Variants in CYP4X1 observed in about 807,000 individuals in gnomAD.
CYP4X1 encodes the protein cytochrome P450 family 4 subfamily X member 1, also known as cytochrome P450 4X1.
Under a neutral mutation model 57.9 loss-of-function variants are expected in CYP4X1, and 44 were observed. The ratio of observed to expected loss-of-function variants is 0.76; its 90% CI spans 0.60 to 0.98. The LOEUF (loss-of-function observed/expected upper bound fraction) is 0.98, where lower values mean the gene tolerates loss of function less well. CYP4X1 is among the 50% of genes least tolerant of loss of function. The pLI, the probability that CYP4X1 is intolerant of heterozygous loss-of-function variation, is 0.00. For synonymous variants in CYP4X1, 227 were observed against 228.6 expected (o/e 0.99, Z 0.06); for missense variants, 532 against 623.9 (o/e 0.85, Z 1.57).
chr1:47,026,389 A>G (rs1478691709), intron 1 of CYP4X1, among the ~76,000 whole-genome samples: 1 of 152,322 alleles, frequency 6.6e-6, no homozygotes, highest in East Asian at 1.9e-4. Flanking sequence ...TAAAAATTAT[A>G]AATAAATAAA....
the CYP4X1 span, among the ~76,000 whole-genome samples, chr1:47,008,617 A>T: frequency 6.6e-6 from 1 of 152,188 alleles, no homozygotes; most frequent in Admixed American, 6.5e-5. Flanking sequence ...CAATTAAAAG[A>T]CACAGACTGG....
Position 47,031,449 on chromosome 1 carries a change from G to T in CYP4X1, c.333G>T (p.Gln111His). Residue 111 changes from glutamine to histidine, a missense_variant, in exon 3 of 12, where the codon CAG becomes CAT. Coordinates refer to ENST00000371901, the MANE Select transcript of CYP4X1 (RefSeq NM_178033.2). ...TLLSRTDPKS[Q>H]YLQKFSPPLL... is the part of the protein sequence containing the mutation. ...TTGACTCTGCAGATCCCAAGTCCCAGTACCTGCAGAAATTCTCACCTCCAC... is the reference window on the plus strand; with the variant it reads ...TTGACTCTGCAGATCCCAAGTCCCATTACCTGCAGAAATTCTCACCTCCAC... 1 of 1,614,044 alleles carries T rather than the reference G, an allele frequency of 6.2e-7. No homozygotes were observed. The highest frequency in any genetic ancestry group is 8.5e-7 in the Non-Finnish European group (1 of 1,179,994).
chr1:47,031,973 G>A (rs1466453011), intron 3 of CYP4X1, among the ~76,000 whole-genome samples: 1 of 152,086 alleles, frequency 6.6e-6, no homozygotes, highest in Non-Finnish European at 1.5e-5. Flanking sequence ...AACCTAGGAG[G>A]TGGAGGTTGC....
chr1:47,009,685 G>C, the CYP4X1 span, among the ~76,000 whole-genome samples: 2 of 152,222 alleles, frequency 1.3e-5, no homozygotes, highest in East Asian at 1.9e-4. Flanking sequence ...AAGAAGAAAA[G>C]AGAGAAGAAT....
chr1:47,010,323 T>A, the CYP4X1 span, among the ~76,000 whole-genome samples: 1 of 152,090 alleles, frequency 6.6e-6, no homozygotes, highest in Non-Finnish European at 1.5e-5. Flanking sequence ...CATAATTATC[T>A]CAATAAATGC....
the CYP4X1 span, chr1:46,961,728 T>C: frequency 1.5e-6 from 2 of 1,309,022 alleles, no homozygotes; most frequent in Non-Finnish European, 2.0e-6. Flanking sequence ...CAAGCCCTAA[T>C]ATGTATGACT....
chr1:47,032,739 G>A (rs1212911783), intron 3 of CYP4X1, among the ~76,000 whole-genome samples: 1 of 152,094 alleles, frequency 6.6e-6, no homozygotes, highest in Non-Finnish European at 1.5e-5. Flanking sequence ...GTGAATTTAT[G>A]TTCATCATAT....
chr1:47,035,867 A>C lies in CYP4X1; in HGVS notation c.554A>C (p.Asn185Thr). 1.2e-6 allele frequency: 2 copies of C among 1,613,660 alleles called. No individual in the cohort carries two copies. The highest frequency in any genetic ancestry group is 1.7e-6 in the Non-Finnish European group (2 of 1,179,770). The change falls in exon 5 of 12, where the codon AAC becomes ACC. Residue 185 changes from asparagine to threonine, a missense_variant. By Grantham distance (65) the Asn-to-Thr change is moderately conservative. Transcript: ENST00000371901. ...DTSVEVYEHI[N>T]SMSLDIIMKC... ...AGCGTGGAGGTCTATGAGCACATCAACTCGATGTCTCTGGATATAATCATG... is the reference window on the plus strand; with the variant it reads ...AGCGTGGAGGTCTATGAGCACATCACCTCGATGTCTCTGGATATAATCATG...
chr1:47,034,728 T>C (rs2148509014), intron 4 of CYP4X1, among the ~76,000 whole-genome samples: 1 of 152,088 alleles, frequency 6.6e-6, no homozygotes, highest in African/African-American at 2.4e-5. Context: ...CTAGTGCTGT[T>C]CAGGTGCAGC....
chr1:47,052,213 A>G (rs1236458404), downstream of CYP4X1, among the ~76,000 whole-genome samples: 1 of 152,080 alleles, frequency 6.6e-6, no homozygotes, highest in East Asian at 1.9e-4. Flanking sequence ...AAATTTCCTA[A>G]TAATTATTAT....
At chr1:46,998,813 T>C in the CYP4X1 span, among the ~76,000 whole-genome samples, 24 of 152,296 alleles carry the variant, frequency 1.6e-4, no homozygotes, top group Admixed American at 5.2e-4. Context: ...CCCAGTATCA[T>C]TTATTGAATT....
chr1:47,034,354 A>T (rs1644157198), intron 4 of CYP4X1, among the ~76,000 whole-genome samples: 1 of 152,194 alleles, frequency 6.6e-6, no homozygotes. Flanking sequence ...CATTCCTGTG[A>T]GTGGTCTCTG....
At chr1:47,003,242 A>G in the CYP4X1 span, 1 of 152,162 alleles carries the variant, frequency 6.6e-6, no homozygotes, top group Non-Finnish European at 1.5e-5. Flanking sequence ...GATCACAGGG[A>G]GATCATTCTG....
rs1474675933 is a variant in CYP4X1, at chr1:47,050,132, G to T, written c.1488G>T (p.Lys496Asn). The change falls in exon 12 of 12, where the codon AAG becomes AAT. Residue 496 changes from lysine to asparagine, a missense_variant. Transcript: ENST00000371901. The stretch of plus-strand genomic sequence containing the variant: ...CCAACCATTTTATCCTCAAGCCCAA[G>T]AATGGGATGTATTTGCACCTGAAGA... ...TFPNHFILKP[K>N]NGMYLHLKKL... 10 of 1,613,902 alleles carry T rather than the reference G, an allele frequency of 6.2e-6. No homozygotes were observed. The highest frequency in any genetic ancestry group is 8.5e-6 in the Non-Finnish European group (10 of 1,180,008).
At chr1:47,039,614 C>G (rs1644223456) in intron 8 of CYP4X1, 82 bp downstream of exon 8, 1 of 1,128,250 alleles carries the variant, frequency 8.9e-7, no homozygotes. Context: ...CCTTAGTGAC[C>G]CTAGTGCCTC....
At chr1:47,001,838 T>C in the CYP4X1 span, among the ~76,000 whole-genome samples, 2 of 152,198 alleles carry the variant, frequency 1.3e-5, no homozygotes, top group Non-Finnish European at 2.9e-5. Context: ...AAACCCTCCA[T>C]GGCCTGTTGC....
chr1:46,963,544 C>A, the CYP4X1 span, among the ~76,000 whole-genome samples: 1 of 152,136 alleles, frequency 6.6e-6, no homozygotes, highest in South Asian at 2.1e-4. Flanking sequence ...GTGGAAAATT[C>A]TTTTCTTTAA....
the CYP4X1 span, among the ~76,000 whole-genome samples, chr1:46,970,816 ATTAC>A: frequency 1.4e-4 from 22 of 152,320 alleles, no homozygotes; most frequent in East Asian, 3.9e-3. Flanking sequence ...TGCTTTGACT[ATTAC>A]TTACAGTTTT....
chr1:47,048,817 G>A (rs1488710041), intron 10 of CYP4X1, among the ~76,000 whole-genome samples, 188 bp downstream of exon 10: 1 of 152,188 alleles, frequency 6.6e-6, no homozygotes, highest in Non-Finnish European at 1.5e-5. Context: ...GTGTATCAGT[G>A]ATTTCTTTCA....
Sources: gnomAD v4.1 joint callset for allele counts (sites outside exome capture counted in the v4.1 genomes callset) on GRCh38, gnomAD v4.1.1 for gene constraint, MANE v1.5 for transcripts, NCBI Gene and HGNC (gene_info 2026-07-23, HGNC 2026-07-21) for gene names.